ZFYVE26: variants seen among roughly 807,000 people sequenced by gnomAD.
The protein encoded by ZFYVE26 is zinc finger FYVE-type containing 26.
ZFYVE26 carries 181 observed loss-of-function variants against 276.5 expected under a neutral mutation model. The ratio of observed to expected loss-of-function variants is 0.65; its 90% CI spans 0.58 to 0.74. The LOEUF (loss-of-function observed/expected upper bound fraction) is 0.74, where lower values mean the gene tolerates loss of function less well. ZFYVE26 is among the 30% of genes least tolerant of loss of function. The pLI is 0.00. For missense variants in ZFYVE26, 2,821 were observed against 3,097.9 expected (o/e 0.91, Z 2.12); for synonymous variants, 1,129 against 1,203.1 (o/e 0.94, Z 1.27).
At chr14:67,793,841 C>T in intron 13 of ZFYVE26, 82 bp from the exon 14 acceptor site, 1 of 1,570,306 alleles carries the variant, frequency 6.4e-7, no homozygotes, top group South Asian at 1.1e-5. Context: ...TCCCACCAAA[C>T]TTTTATCTCC....
At chr14:67,786,062 G>T (rs1272666732) in intron 17 of ZFYVE26, 40 bp from the exon 18 acceptor site, 1 of 1,614,138 alleles carries the variant, frequency 6.2e-7, no homozygotes, top group East Asian at 2.2e-5. Context: ...AAAGTCTGTT[G>T]CTGACCTAAT....
At chr14:67,791,785 C>A (rs535282101) in intron 14 of ZFYVE26, among the ~76,000 whole-genome samples, 501 of 145,858 alleles carry the variant, frequency 3.4e-3, no homozygotes, top group African/African-American at 0.012. Context: ...GAGGGGCTGG[C>A]GTGGTGGCTC....
intron 28 of ZFYVE26, among the ~76,000 whole-genome samples, chr14:67,771,619 C>T (rs1415667508): frequency 1.3e-5 from 2 of 152,156 alleles, no homozygotes; most frequent in East Asian, 3.8e-4. Context: ...TACAAGTAGG[C>T]ACATGAGACC....
intron 13 of ZFYVE26, among the ~76,000 whole-genome samples, chr14:67,735,022 T>C (rs2038335340): frequency 6.6e-6 from 1 of 152,204 alleles, no homozygotes; most frequent in African/African-American, 2.4e-5. Context: ...ATCTGAAAGT[T>C]TCCATCATAT....
intron 27 of ZFYVE26, among the ~76,000 whole-genome samples, chr14:67,773,679 T>C (rs1400301989): frequency 6.6e-6 from 1 of 152,180 alleles, no homozygotes; most frequent in Non-Finnish European, 1.5e-5. Flanking sequence ...CTCGGCTGGT[T>C]ACCATGAAGC....
chr14:67,775,044 T>G lies in ZFYVE26; in HGVS notation c.5292A>C (p.Ser1764=). Residue 1764 remains serine (S), a synonymous_variant, in exon 27 of 42, where the codon TCA becomes TCC. Coordinates refer to ENST00000347230, the MANE Select transcript of ZFYVE26 (RefSeq NM_015346.4). The part of the protein sequence containing the change: ...ADPETLPRSP[S]AEFSPAAPPG... ...GAGGAGCAGCAGGAGAGAACTCTGC[T>G]GATGGTGATCTAGGGAGGGTCTCGG... 6.2e-7 allele frequency: 1 copy of G among 1,612,570 alleles called. No homozygotes were observed. Among genetic ancestry groups the G allele is most frequent in the African/African-American group, 1.3e-5 (1 of 75,050 alleles).
Position 67,789,659 on chromosome 14 carries a change from A to G in ZFYVE26, c.2756-61T>C, listed in dbSNP as rs1729726694. ...TAAAAGGATTCTTACTACAACTTTT[A>G]TTAGGTAAAGTAGTTACTTTCAAAA... On this transcript the variant is annotated intron_variant, in intron 15 of 41. Coordinates refer to ENST00000347230, the MANE Select transcript of ZFYVE26 (RefSeq NM_015346.4). 6.8e-6 allele frequency: 11 copies of G among 1,607,392 alleles called. No individual in the cohort carries two copies. In the South Asian group the frequency reaches 9.9e-5, roughly 15 times the overall value.
chr14:67,781,201 C>CTGAA (rs1168885170), intron 22 of ZFYVE26, 132 bp downstream of exon 22: 4 of 1,049,212 alleles, frequency 3.8e-6, no homozygotes, highest in Non-Finnish European at 5.8e-6. Context: ...CACCTAAGAA[C>CTGAA]TGAAGCCAGA....
chr14:67,772,694 G>A (rs770394451), intron 27 of ZFYVE26, among the ~76,000 whole-genome samples: 1 of 152,242 alleles, frequency 6.6e-6, no homozygotes, highest in Non-Finnish European at 1.5e-5. Flanking sequence ...CAGCACTTTG[G>A]GAGGGTGAGG....
At chr14:67,746,346 A>C (rs940281942), downstream of ZFYVE26, among the ~76,000 whole-genome samples, 5 of 152,160 alleles carry the variant, frequency 3.3e-5, no homozygotes, top group Non-Finnish European at 5.9e-5. Context: ...AACAGTGTTT[A>C]AACACATAGG....
At chr14:67,751,405 A>G in intron 40 of ZFYVE26, 2 of 467,640 alleles carry the variant, frequency 4.3e-6, no homozygotes, top group Non-Finnish European at 3.9e-6. Context: ...TGGATCATGA[A>G]CTTAGTGCAA....
chr14:67,788,535 C>T (rs1401776757), intron 16 of ZFYVE26, among the ~76,000 whole-genome samples: 1 of 152,208 alleles, frequency 6.6e-6, no homozygotes, highest in Non-Finnish European at 1.5e-5. Flanking sequence ...AGGGAGAGGA[C>T]TCTTGGAAGC....
rs749215954 is a variant in ZFYVE26 at position 67,776,117 on chromosome 14, G to A, written c.4975-11C>T. ...CAGGGTCAGCAGAATCTGTTTGTGG[G>A]GTAGATCCATAGAGTAAAGAAAATA... is the stretch of plus-strand genomic sequence containing the variant. On this transcript the variant is annotated splice_polypyrimidine_tract_variant and intron_variant, in intron 25 of 41. Transcript: ENST00000347230. 1.5e-5 allele frequency: 25 copies of A among 1,613,812 alleles called. No homozygotes were observed. The highest frequency in any genetic ancestry group is 1.9e-5 in the Non-Finnish European group (23 of 1,179,960).
At position 67,766,425 on chromosome 14, in the gene ZFYVE26, A is replaced by C. The variant is rs776854641; in HGVS notation, c.5813T>G (p.Ile1938Ser). ...GTCCCGGTGCAGATTCAGGATGGCA[A>C]TGCACAAGGAGGCGCTGGGGGCCTG... Reference protein sequence around the residue: ...YEQAPSASLCIAILNLHRDSI... With the variant: ...YEQAPSASLCSAILNLHRDSI... The change falls in exon 32 of 42, where the codon ATT becomes AGT. Residue 1938 changes from isoleucine (I) to serine (S), a missense_variant. Physicochemically the swap from Ile to Ser is moderately radical, Grantham distance 142 (BLOSUM62 -2). Transcript: ENST00000347230. 3.7e-6 allele frequency: 6 copies of C among 1,612,314 alleles called. No individual in the cohort carries two copies. Among genetic ancestry groups the C allele is most frequent in the Non-Finnish European group, 5.1e-6 (6 of 1,179,998 alleles).
rs756887056 is a variant in ZFYVE26 at position 67,729,376 on chromosome 14, T to G, written n.3123A>C. 7 of 1,597,314 alleles carry G rather than the reference T, an allele frequency of 4.4e-6. No homozygotes were observed. The highest frequency in any genetic ancestry group is 4.0e-5 in the African/African-American group (3 of 74,864). ...CCTGGAGCCCCTGAGTGGCAAGTACTTCAGGTGTGTGAAGGCAATGCGGTT... is the reference window on the plus strand; with the variant it reads ...CCTGGAGCCCCTGAGTGGCAAGTACGTCAGGTGTGTGAAGGCAATGCGGTT... On this transcript the variant is annotated non_coding_transcript_exon_variant, in exon 14 of 15. Transcript: ENST00000394455.
chr14:67,777,070 T>G (rs180984765), intron 25 of ZFYVE26, among the ~76,000 whole-genome samples: 132 of 152,368 alleles, frequency 8.7e-4, no homozygotes, highest in African/African-American at 3.0e-3. Flanking sequence ...CCTCTTCCAC[T>G]AGCACAGACA....
At position 67,807,785 on chromosome 14, in the gene ZFYVE26, G is replaced by C; in HGVS notation, c.499C>G (p.Pro167Ala). The change falls in exon 5 of 42, where the codon CCA becomes GCA. Residue 167 changes from proline to alanine, a missense_variant. By Grantham distance (27) the Pro-to-Ala change is conservative. Transcript: ENST00000347230. Reference protein sequence around the residue: ...LWDLLRQSPQPAQALLELLLE... With the variant: ...LWDLLRQSPQAAQALLELLLE... ...AGGAGCTCCAGCAGGGCCTGTGCTG[G>C]CTGGGGAGACTGCCTCAGGAGATCC... The C allele has an allele frequency of 6.2e-7, 1 of 1,614,216 alleles. No homozygotes were observed. Among genetic ancestry groups the C allele is most frequent in the Non-Finnish European group, 8.5e-7 (1 of 1,180,030 alleles).
At chr14:67,806,336 C>T (rs940319219) in intron 6 of ZFYVE26, among the ~76,000 whole-genome samples, 2 of 152,104 alleles carry the variant, frequency 1.3e-5, no homozygotes, top group East Asian at 1.9e-4. Context: ...GCCAAAGGAC[C>T]GATGTAAAAT....
intron 41 of ZFYVE26, among the ~76,000 whole-genome samples, chr14:67,749,933 C>T (rs1035890283): frequency 3.3e-5 from 5 of 152,174 alleles, no homozygotes; most frequent in African/African-American, 7.2e-5. Context: ...TTGGCAAGCC[C>T]CCATGGCCTA....
Sources: allele counts gnomAD v4.1 joint callset (sites outside exome capture counted in the v4.1 genomes callset), GRCh38; gene constraint gnomAD v4.1.1; transcripts MANE v1.5; gene names NCBI Gene and HGNC (gene_info 2026-07-23, HGNC 2026-07-21).